ATAD1: variants seen among roughly 807,000 people sequenced by gnomAD.
ATAD1 encodes outer mitochondrial transmembrane helix translocase.
ATAD1 carries 18 observed loss-of-function variants against 42.7 expected under a neutral mutation model. That is an observed-to-expected ratio of 0.42 (90% CI 0.29 to 0.63). The LOEUF is 0.63. Among genes scored for constraint, ATAD1 ranks in the 20% least tolerant of loss-of-function variants. The pLI is 0.19. For synonymous variants in ATAD1, 132 were observed against 143.1 expected (o/e 0.92, Z 0.55); for missense variants, 294 against 440.4 (o/e 0.67, Z 2.98).
chr10:87,825,700 CT>C (rs911229120), intron 1 of ATAD1, among the ~76,000 whole-genome samples: 60 of 145,722 alleles, frequency 4.1e-4, no homozygotes, highest in Middle Eastern at 3.5e-3. Context: ...GAGCACAACA[CT>C]TTTTTTTTTT....
intron 2 of ATAD1, among the ~76,000 whole-genome samples, chr10:87,795,789 T>C (rs1336703700): frequency 6.6e-6 from 1 of 152,198 alleles, no homozygotes; most frequent in Non-Finnish European, 1.5e-5. Context: ...AAAATACTTA[T>C]GAGCTAACAC....
chr10:87,772,424 T>C (rs1452580306), intron 6 of ATAD1, among the ~76,000 whole-genome samples: 4 of 152,050 alleles, frequency 2.6e-5, no homozygotes, highest in Admixed American at 2.0e-4. Context: ...CTTTATTGAC[T>C]TTTTACAACT....
At chr10:87,793,199 A>G (rs986671331) in intron 2 of ATAD1, among the ~76,000 whole-genome samples, 3 of 152,176 alleles carry the variant, frequency 2.0e-5, no homozygotes, top group African/African-American at 7.2e-5. Flanking sequence ...CAGATGTCCA[A>G]CTTCCTTCAA....
chr10:87,752,987 G>A lies in ATAD1; in HGVS notation c.*1700C>T, dbSNP rs1854076353. The A allele has an allele frequency of 6.6e-6, 1 of 152,012 alleles. No homozygotes were observed. Among genetic ancestry groups the A allele is most frequent in the Non-Finnish European group, 1.5e-5 (1 of 67,980 alleles). The allele number at this position is 152,012 out of a possible 1,614,324, so 9.4% of individuals were successfully genotyped here. A position where few individuals can be genotyped will look rare whatever the true frequency, so the allele number is the denominator to read the frequency against. The stretch of plus-strand genomic sequence containing the variant: ...TAAAACAGAAATGACTAGATACTAG[G>A]ATATGTGCTATAGAAGTGTGAAAAC... On this transcript the variant is annotated 3_prime_UTR_variant, in exon 10 of 10. Transcript: ENST00000680024.
At position 87,753,140 on chromosome 10, in the gene ATAD1, C is replaced by T. The variant is rs1854081898; in HGVS notation, c.*1547G>A. 1 of 152,076 alleles carries T rather than the reference C, an allele frequency of 6.6e-6. No homozygotes were observed. The highest frequency in any genetic ancestry group is 1.5e-5 in the Non-Finnish European group (1 of 67,968). The allele number at this position is 152,076 out of a possible 1,614,324, so 9.4% of individuals were successfully genotyped here. A position where few individuals can be genotyped will look rare whatever the true frequency, so the allele number is the denominator to read the frequency against. ...AATAAAGAGGGACCCCTTTATTACA[C>T]ATTTATAAAATAATAGAATATAGTT... On this transcript the variant is annotated 3_prime_UTR_variant, in exon 10 of 10. Transcript: ENST00000680024.
At chr10:87,806,271 C>T (rs375449489) in intron 2 of ATAD1, among the ~76,000 whole-genome samples, 5 of 151,576 alleles carry the variant, frequency 3.3e-5, no homozygotes, top group East Asian at 3.9e-4. Context: ...TCTCACTCCT[C>T]TGGTCATTTT....
chr10:87,785,125 C>T lies in ATAD1; in HGVS notation c.383-455G>A, dbSNP rs146449723. Among the ~76,000 whole-genome samples the T allele has an allele frequency of 2.0e-5, 3 of 152,230 alleles. No individual in the cohort carries two copies. In the East Asian group the frequency reaches 5.8e-4, roughly 29 times the overall value. On this transcript the variant is annotated intron_variant, in intron 4 of 9. Transcript: ENST00000680024. ...TTAAGTTTTAGCCAAAGGACATGTG[C>T]CTTTTTCCAAACAATCTTTTCCTAA... is the stretch of plus-strand genomic sequence containing the variant.
intron 1 of ATAD1, among the ~76,000 whole-genome samples, chr10:87,815,845 T>C (rs921727378): frequency 6.6e-6 from 1 of 152,148 alleles, no homozygotes; most frequent in Non-Finnish European, 1.5e-5. Flanking sequence ...GAGTCAATTG[T>C]AAGCATTTTC....
At chr10:87,776,523 C>T (rs1472403988) in intron 5 of ATAD1, 96 bp from the exon 6 acceptor site, 42 of 915,460 alleles carry the variant, frequency 4.6e-5, no homozygotes, top group Non-Finnish European at 6.8e-5. Context: ...GGCTGGGGTG[C>T]AATGGCGCAA....
At chr10:87,820,771 C>T (rs1396956329), upstream of ATAD1, among the ~76,000 whole-genome samples, 1 of 152,152 alleles carries the variant, frequency 6.6e-6, no homozygotes, top group Admixed American at 6.5e-5. Context: ...CGTAAGAAAC[C>T]TTCCATGTCT....
intron 2 of ATAD1, among the ~76,000 whole-genome samples, chr10:87,796,781 T>C (rs971601254): frequency 1.4e-4 from 21 of 152,262 alleles, no homozygotes; most frequent in African/African-American, 4.8e-4. Flanking sequence ...CAGCATGAGC[T>C]AACTTTATGG....
upstream of ATAD1, chr10:87,818,462 T>C (rs930470089): frequency 5.8e-6 from 1 of 172,470 alleles, no homozygotes; most frequent in Non-Finnish European, 1.2e-5. Context: ...GACACTACCT[T>C]TGGGAAGGCG....
intron 4 of ATAD1, among the ~76,000 whole-genome samples, chr10:87,786,717 G>A (rs377160052): frequency 3.3e-5 from 5 of 152,200 alleles, no homozygotes; most frequent in East Asian, 3.8e-4. Flanking sequence ...AGCACTTTGG[G>A]AGGGCGAGGT....
intron 1 of ATAD1, among the ~76,000 whole-genome samples, chr10:87,817,553 C>T (rs1410995548): frequency 6.6e-6 from 1 of 152,220 alleles, no homozygotes; most frequent in Admixed American, 6.5e-5. Flanking sequence ...ATAGCATTCA[C>T]TGTAGTATTT....
chr10:87,792,611 C>A, intron 3 of ATAD1, 46 bp downstream of exon 3: 2 of 1,337,694 alleles, frequency 1.5e-6, no homozygotes, highest in East Asian at 2.3e-5. Flanking sequence ...TGCTAGAACC[C>A]ACCCCCACCT....
intron 2 of ATAD1, among the ~76,000 whole-genome samples, chr10:87,806,689 G>A (rs1238322117): frequency 6.6e-6 from 1 of 152,112 alleles, no homozygotes; most frequent in African/African-American, 2.4e-5. Context: ...GCTCTGGCAT[G>A]TGCAGACCAA....
intron 8 of ATAD1, among the ~76,000 whole-genome samples, chr10:87,763,324 TC>T (rs1854585757): frequency 6.6e-6 from 1 of 152,130 alleles, no homozygotes; most frequent in South Asian, 2.1e-4. Flanking sequence ...TTTGCTAGGT[TC>T]TTTAAGCTTT....
At chr10:87,808,406 C>CA (rs1423196689) in intron 2 of ATAD1, among the ~76,000 whole-genome samples, 1 of 151,230 alleles carries the variant, frequency 6.6e-6, no homozygotes, top group Non-Finnish European at 1.5e-5. Flanking sequence ...AGAATGTTTC[C>CA]AATTCTTCAC....
Position 87,808,540 on chromosome 10 carries a change from G to A in ATAD1, c.162+5898C>T, listed in dbSNP as rs111744501. ...ACTCCAGCCTGGGCAACAGAGCAAG[G>A]CTCCGTCTAAAAGAAAACACAAAAA... On this transcript the variant is annotated intron_variant, in intron 2 of 9. Transcript: ENST00000680024. Among the ~76,000 whole-genome samples the A allele has an allele frequency of 1.6e-3, 240 of 152,140 alleles. 1 individual carries two copies. The highest frequency in any genetic ancestry group is 4.9e-3 in the African/African-American group (204 of 41,516).
Sources: gnomAD v4.1 joint callset for allele counts (sites outside exome capture counted in the v4.1 genomes callset) on GRCh38, gnomAD v4.1.1 for gene constraint, MANE v1.5 for transcripts, NCBI Gene and HGNC (gene_info 2026-07-23, HGNC 2026-07-21) for gene names.